The following CDK1 variants were observed in gnomAD, a reference collection of about 807,000 sequenced individuals.
CDK1 encodes cyclin-dependent kinase 1.
CDK1 carries 5 observed loss-of-function variants against 34.6 expected under a neutral mutation model. The ratio of observed to expected loss-of-function variants is 0.14; its 90% CI spans 0.08 to 0.30. CDK1 has a LOEUF of 0.30. CDK1 is among the 10% of genes least tolerant of loss of function. The pLI, the probability that CDK1 is intolerant of heterozygous loss-of-function variation, is 1.00. For synonymous variants in CDK1, 108 were observed against 114.7 expected, an observed-to-expected ratio of 0.94 and a Z score of 0.37; for missense variants, 157 against 345.7, an observed-to-expected ratio of 0.45 and a Z score of 4.33.
In CDK1 at chr10:60,793,904, C is replaced by A. The variant is rs202147652; in HGVS notation, c.823C>A (p.Arg275=). 1.9e-6 allele frequency: 3 copies of A among 1,550,724 alleles called. No homozygotes were observed. Among genetic ancestry groups the A allele is most frequent in the East Asian group, 4.9e-5 (2 of 40,786 alleles). The change falls in exon 8 of 8, where the codon CGA becomes AGA. Residue 275 remains arginine, a synonymous_variant. Coordinates refer to ENST00000395284, the MANE Select transcript of CDK1 (RefSeq NM_001786.5). ...AATGTTAATCTATGATCCAGCCAAA[C>A]GAATTTCTGGCAAAATGGCACTGAA... The part of the protein sequence containing the change: ...SKMLIYDPAK[R]ISGKMALNHP...
intron 2 of CDK1, chr10:60,783,738 C>A (rs560652443): frequency 6.6e-6 from 1 of 152,264 alleles, no homozygotes; most frequent in South Asian, 2.1e-4. Flanking sequence ...CTGTATCCAC[C>A]TCCTCCCTCC....
intron 4 of CDK1, among the ~76,000 whole-genome samples, chr10:60,787,389 G>A (rs1204356667): frequency 1.3e-5 from 2 of 151,980 alleles, no homozygotes; most frequent in Non-Finnish European, 2.9e-5. Flanking sequence ...TTAACCAGAT[G>A]GATCATCCGT....
At chr10:60,778,823 G>A (rs2080246482) in intron 1 of CDK1, among the ~76,000 whole-genome samples, 1 of 152,214 alleles carries the variant, frequency 6.6e-6, no homozygotes, top group Admixed American at 6.5e-5. Flanking sequence ...TGGGGGTTCG[G>A]GGCTGCAGTC....
rs762342777 is a variant in CDK1, at chr10:60,780,254, A to C, written c.37+52A>C. On this transcript the variant is annotated intron_variant, in intron 2 of 7. Transcript: ENST00000395284. ...TATGGAATGATTTAACAATGCTACA[A>C]CTTCTGTAATATGAACACATTTAAA... 3.3e-6 allele frequency: 3 copies of C among 916,794 alleles called. No homozygotes were observed. The South Asian group carries it at 4.0e-5, about 12-fold the overall frequency. The allele number at this position is 916,794 out of a possible 1,614,324, so 56.8% of individuals were successfully genotyped here. A position where few individuals can be genotyped will look rare whatever the true frequency, so the allele number is the denominator to read the frequency against.
intron 1 of CDK1, among the ~76,000 whole-genome samples, chr10:60,779,474 A>G (rs1202002944): frequency 6.6e-6 from 1 of 151,964 alleles, no homozygotes; most frequent in African/African-American, 2.4e-5. Flanking sequence ...TTAGAATTTT[A>G]TCTGTGGAAT....
Position 60,792,734 on chromosome 10 carries a change from A to G in CDK1, c.795+445A>G, listed in dbSNP as rs189746741. Among the ~76,000 whole-genome samples, 58 of 152,220 alleles carry G rather than the reference A, an allele frequency of 3.8e-4. 1 individual carries two copies. In the East Asian group the frequency reaches 0.01, roughly 27 times the overall value. The stretch of plus-strand genomic sequence containing the variant: ...TTCTCCATCAGAAGGATCTATTGCT[A>G]TACCATTGTATACATTTTCTCATTG... On this transcript the variant is annotated intron_variant, in intron 7 of 7. Coordinates refer to ENST00000395284, the MANE Select transcript of CDK1 (RefSeq NM_001786.5).
Position 60,792,308 on chromosome 10 carries a change from A to G in CDK1, c.795+19A>G, listed in dbSNP as rs998904755. On this transcript the variant is annotated intron_variant, in intron 7 of 7. Coordinates refer to ENST00000395284, the MANE Select transcript of CDK1 (RefSeq NM_001786.5). The stretch of plus-strand genomic sequence containing the variant: ...GCTCTCGGTAAGGAGTGCCCTTGAT[A>G]CTGACTTTCAAATTATTGATGATTC... 6.3e-7 allele frequency: 1 copy of G among 1,575,704 alleles called. No homozygotes were observed. The highest frequency in any genetic ancestry group is 8.6e-7 in the Non-Finnish European group (1 of 1,166,708).
intron 2 of CDK1, chr10:60,783,370 G>A (rs34311861): frequency 2.6e-4 from 39 of 152,144 alleles, no homozygotes; most frequent in Non-Finnish European, 4.6e-4. Context: ...TTGTATAGAG[G>A]TTCTGTCAAA....
rs2080252917 is a variant in CDK1 at position 60,779,403 on chromosome 10, A to G, written c.-25-738A>G. The stretch of plus-strand genomic sequence containing the variant: ...GGTTGTCAGCTTTTTTTTTTAACCC[A>G]TTCATTGTGATTCAAGTATACCGTT... On this transcript the variant is annotated intron_variant, in intron 1 of 7. Transcript: ENST00000395284. Among the ~76,000 whole-genome samples the G allele has an allele frequency of 2.0e-5, 3 of 151,834 alleles. No individual in the cohort carries two copies. In the South Asian group the frequency reaches 6.2e-4, roughly 32 times the overall value.
chr10:60,783,364 A>T (rs1372756589), intron 2 of CDK1: 1 of 152,282 alleles, frequency 6.6e-6, no homozygotes, highest in East Asian at 1.9e-4. Flanking sequence ...AGACTTTTGT[A>T]TAGAGGTTCT....
Position 60,793,141 on chromosome 10 carries a change from G to A in CDK1, c.796-736G>A, listed in dbSNP as rs553593341. 3.9e-5 allele frequency among the ~76,000 whole-genome samples: 6 copies of A among 152,158 alleles called. No individual in the cohort carries two copies. In the South Asian group the frequency reaches 1.2e-3, roughly 32 times the overall value. Reference sequence around the variant, plus strand: ...ACTTGGGCAAGTTACTTCCCTTCGAGCCTCAATGTCCTCATTTGTAAAATG... The same window carrying A: ...ACTTGGGCAAGTTACTTCCCTTCGAACCTCAATGTCCTCATTTGTAAAATG... On this transcript the variant is annotated intron_variant, in intron 7 of 7. Coordinates refer to ENST00000395284, the MANE Select transcript of CDK1 (RefSeq NM_001786.5).
intron 1 of CDK1, 100 bp from the exon 2 acceptor site, chr10:60,780,041 G>A (rs1028023420): frequency 8.7e-6 from 6 of 690,844 alleles, no homozygotes; most frequent in Non-Finnish European, 1.6e-5. Context: ...TTATGCTGCA[G>A]TAGGCACTGT....
rs755351843 is a variant in CDK1, at chr10:60,792,229, A to G, written c.735A>G (p.Lys245=). 3 of 1,613,108 alleles carry G rather than the reference A, an allele frequency of 1.9e-6. No homozygotes were observed. Among genetic ancestry groups the G allele is most frequent in the Non-Finnish European group, 2.5e-6 (3 of 1,179,530 alleles). ...QDYKNTFPKW[K]PGSLASHVKN... is the part of the protein sequence containing the mutation. ...ATAAGAATACATTTCCCAAATGGAA[A>G]CCAGGAAGCCTAGCATCCCATGTCA... The change falls in exon 7 of 8, where the codon AAA becomes AAG. Residue 245 remains lysine, a synonymous_variant. Transcript: ENST00000395284.
chr10:60,784,787 A>G lies in CDK1; in HGVS notation c.120A>G (p.Glu40=), dbSNP rs1420314266. The G allele has an allele frequency of 6.2e-7, 1 of 1,612,920 alleles. No individual in the cohort carries two copies. Among genetic ancestry groups the G allele is most frequent in the South Asian group, 1.1e-5 (1 of 91,046 alleles). ...VAMKKIRLES[E]EEGVPSTAIR... ...TGAAAAAAATCAGACTAGAAAGTGAAGAGGAAGGGGTTCCTAGTACTGCAA... is the reference window on the plus strand; with the variant it reads ...TGAAAAAAATCAGACTAGAAAGTGAGGAGGAAGGGGTTCCTAGTACTGCAA... The change falls in exon 3 of 8, where the codon GAA becomes GAG. Residue 40 remains glutamate, a synonymous_variant. Coordinates refer to ENST00000395284, the MANE Select transcript of CDK1 (RefSeq NM_001786.5).
At chr10:60,789,652 A>G (rs1004102486) in intron 5 of CDK1, among the ~76,000 whole-genome samples, 7 of 152,182 alleles carry the variant, frequency 4.6e-5, no homozygotes, top group Non-Finnish European at 4.4e-5. Flanking sequence ...TTATCTGTTG[A>G]TGGAAACAGG....
At chr10:60,789,009 A>G (rs1434621820) in intron 5 of CDK1, among the ~76,000 whole-genome samples, 2 of 152,158 alleles carry the variant, frequency 1.3e-5, no homozygotes, top group East Asian at 1.9e-4. Flanking sequence ...AACAGGCAAT[A>G]TTTTTACCAT....
At chr10:60,780,254 A>G (rs762342777) in intron 2 of CDK1, 52 bp downstream of exon 2, 1 of 916,794 alleles carries the variant, frequency 1.1e-6, no homozygotes. Flanking sequence ...CAATGCTACA[A>G]CTTCTGTAAT....
intron 1 of CDK1, among the ~76,000 whole-genome samples, chr10:60,778,847 G>C (rs2080246730): frequency 6.6e-6 from 1 of 152,238 alleles, no homozygotes; most frequent in Non-Finnish European, 1.5e-5. Flanking sequence ...AGTCGAGGTC[G>C]GCTGTTCTCA....
intron 1 of CDK1, among the ~76,000 whole-genome samples, chr10:60,779,300 G>A (rs1185672024): frequency 6.6e-6 from 1 of 152,152 alleles, no homozygotes; most frequent in Non-Finnish European, 1.5e-5. Context: ...TCAGTGATGG[G>A]TGTTAGAAAA....
Sources: gnomAD v4.1 joint callset for allele counts (sites outside exome capture counted in the v4.1 genomes callset) on GRCh38, gnomAD v4.1.1 for gene constraint, MANE v1.5 for transcripts, NCBI Gene and HGNC (gene_info 2026-07-23, HGNC 2026-07-21) for gene names.